The following ST3GAL3 variants were observed in gnomAD, a reference collection of about 807,000 sequenced individuals.
ST3GAL3 encodes CMP-N-acetylneuraminate-beta-1,4-galactoside alpha-2,3-sialyltransferase.
ST3GAL3 carries 21 observed loss-of-function variants against 50.1 expected under a neutral mutation model. The observed-to-expected ratio is 0.42, with a 90% CI of 0.30 to 0.60. The LOEUF is 0.60. Ranked by LOEUF, ST3GAL3 falls within the 20% of genes least tolerant of loss-of-function variation. ST3GAL3 has a pLI of 0.19. For synonymous variants in ST3GAL3, 183 were observed against 190.0 expected, an observed-to-expected ratio of 0.96 and a Z score of 0.30; for missense variants, 353 against 489.4, an observed-to-expected ratio of 0.72 and a Z score of 2.63.
At chr1:43,833,809 G>C (rs1408693007) in intron 4 of ST3GAL3, among the ~76,000 whole-genome samples, 3 of 152,180 alleles carry the variant, frequency 2.0e-5, no homozygotes, top group South Asian at 2.1e-4. Context: ...GGTTCTACCT[G>C]AGAAGGGAAG....
chr1:43,746,970 T>C (rs1164326365), intron 2 of ST3GAL3, among the ~76,000 whole-genome samples: 2 of 150,660 alleles, frequency 1.3e-5, no homozygotes, highest in Admixed American at 6.6e-5. Flanking sequence ...TTCACCATAT[T>C]GGCCAGGCTG....
chr1:43,901,845 C>G (rs2078327085), intron 9 of ST3GAL3, among the ~76,000 whole-genome samples: 1 of 152,200 alleles, frequency 6.6e-6, no homozygotes, highest in Non-Finnish European at 1.5e-5. Context: ...GGGAGGAGTC[C>G]TCTGAATTAC....
At chr1:43,926,965 C>T (rs1206456542) in intron 11 of ST3GAL3, among the ~76,000 whole-genome samples, 1 of 152,188 alleles carries the variant, frequency 6.6e-6, no homozygotes, top group Non-Finnish European at 1.5e-5. Flanking sequence ...TGTTCCATCT[C>T]TTCTTTGTCT....
chr1:43,831,209 G>A (rs72886892), intron 4 of ST3GAL3, among the ~76,000 whole-genome samples: 2 of 152,144 alleles, frequency 1.3e-5, no homozygotes, highest in South Asian at 4.1e-4. Flanking sequence ...GGGGCTTTGG[G>A]AAGAACAGGA....
intron 11 of ST3GAL3, 76 bp from the exon 12 acceptor site, chr1:43,930,056 A>G (rs771321440): frequency 8.0e-7 from 1 of 1,253,728 alleles, no homozygotes; most frequent in South Asian, 1.2e-5. Flanking sequence ...GTGGTGACGA[A>G]GAAGGCACCG....
At chr1:43,722,370 C>T (rs1263386281) in intron 1 of ST3GAL3, among the ~76,000 whole-genome samples, 1 of 152,062 alleles carries the variant, frequency 6.6e-6, no homozygotes, top group African/African-American at 2.4e-5. Context: ...GATGAGGTGG[C>T]AAGAGATGTG....
At chr1:43,784,223 G>A (rs1248708673) in intron 2 of ST3GAL3, among the ~76,000 whole-genome samples, 2 of 151,926 alleles carry the variant, frequency 1.3e-5, no homozygotes, top group East Asian at 3.9e-4. Context: ...GCATCTAAAC[G>A]ACAGGCCAGG....
At position 43,917,275 on chromosome 1, in the gene ST3GAL3, T is replaced by A. The variant is rs1272203402; in HGVS notation, c.745-3129T>A. Among the ~76,000 whole-genome samples, 10 of 150,456 alleles carry A rather than the reference T, an allele frequency of 6.6e-5. No individual in the cohort carries two copies. The Admixed American group carries it at 6.7e-4, about 10-fold the overall frequency. On this transcript the variant is annotated intron_variant, in intron 9 of 11. Transcript: ENST00000347631. The stretch of plus-strand genomic sequence containing the variant: ...AGTTTAATGTGCATTTCCTTGTCAT[T>A]AGTGAGTTAAATTTTTCCATGCTTA...
chr1:43,826,729 A>C lies in ST3GAL3; in HGVS notation c.210-11490A>C, dbSNP rs541504020. Among the ~76,000 whole-genome samples the C allele has an allele frequency of 3.9e-5, 6 of 152,364 alleles. No individual in the cohort carries two copies. The East Asian group carries it at 7.7e-4, about 20-fold the overall frequency. ...AGCAAATTGAGTTCAGCAATGTATA[A>C]AAAGAATTACATGTTGCTGCCAAGT... On this transcript the variant is annotated intron_variant, in intron 4 of 11. Coordinates refer to ENST00000347631, the MANE Select transcript of ST3GAL3 (RefSeq NM_006279.5).
At chr1:43,767,867 T>C (rs192571576) in intron 2 of ST3GAL3, among the ~76,000 whole-genome samples, 3 of 151,884 alleles carry the variant, frequency 2.0e-5, no homozygotes, top group East Asian at 3.9e-4. Flanking sequence ...AAAACTTGTA[T>C]GATGCTACTA....
intron 4 of ST3GAL3, 120 bp downstream of exon 4, chr1:43,815,053 T>C: frequency 9.9e-7 from 1 of 1,005,736 alleles, no homozygotes; most frequent in Non-Finnish European, 1.6e-6. Context: ...CTGGGGCCTC[T>C]GTCCTCAGGC....
intron 5 of ST3GAL3, chr1:43,840,878 T>G (rs1302955287): frequency 6.6e-6 from 1 of 152,210 alleles, no homozygotes; most frequent in Non-Finnish European, 1.5e-5. Flanking sequence ...CAAAACAAGT[T>G]GCTTACTTTC....
At chr1:43,851,161 G>A in intron 5 of ST3GAL3, 5 of 1,345,488 alleles carry the variant, frequency 3.7e-6, no homozygotes, top group Non-Finnish European at 5.3e-6. Context: ...GCTTCGGGTG[G>A]AAGAGGCGGG....
intron 1 of ST3GAL3, among the ~76,000 whole-genome samples, chr1:43,721,336 C>T (rs940557897): frequency 4.3e-5 from 6 of 141,174 alleles, no homozygotes; most frequent in Non-Finnish European, 7.6e-5. Context: ...CGGAGTTTCC[C>T]TCTTGTTGCC....
intron 1 of ST3GAL3, chr1:43,727,335 C>G (rs1571535649): frequency 6.6e-6 from 1 of 151,688 alleles, no homozygotes; most frequent in South Asian, 2.1e-4. Flanking sequence ...CTGCTATATG[C>G]TATAAGATGA....
intron 2 of ST3GAL3, among the ~76,000 whole-genome samples, chr1:43,777,795 T>C (rs553634486): frequency 2.6e-5 from 4 of 151,998 alleles, no homozygotes; most frequent in African/African-American, 9.7e-5. Flanking sequence ...CACAACAAAA[T>C]AAACTATCAT....
chr1:43,849,519 G>T (rs1424003283), intron 5 of ST3GAL3, among the ~76,000 whole-genome samples: 1 of 152,090 alleles, frequency 6.6e-6, no homozygotes, highest in African/African-American at 2.4e-5. Flanking sequence ...TTAAAAATTT[G>T]ATTGTGCTTA....
At chr1:43,718,652 A>G (rs980814277) in intron 1 of ST3GAL3, among the ~76,000 whole-genome samples, 3 of 134,572 alleles carry the variant, frequency 2.2e-5, no homozygotes, top group African/African-American at 8.0e-5. Flanking sequence ...TAAAGTTCCC[A>G]TACGTGTTTT....
At chr1:43,863,000 G>C (rs908119828) in intron 5 of ST3GAL3, among the ~76,000 whole-genome samples, 1 of 152,114 alleles carries the variant, frequency 6.6e-6, no homozygotes, top group Non-Finnish European at 1.5e-5. Flanking sequence ...TGAGTTTGAC[G>C]GTCTCCCTCA....
Sources: gnomAD v4.1 joint callset for allele counts (sites outside exome capture counted in the v4.1 genomes callset) on GRCh38, gnomAD v4.1.1 for gene constraint, MANE v1.5 for transcripts, NCBI Gene and HGNC (gene_info 2026-07-23, HGNC 2026-07-21) for gene names.